LRRC20: variants seen among roughly 807,000 people sequenced by gnomAD.
LRRC20 encodes the protein leucine-rich repeat-containing protein 20.
LRRC20 carries 11 observed loss-of-function variants against 14.4 expected under a neutral mutation model. The observed-to-expected ratio is 0.77, with a 90% CI of 0.48 to 1.27. LRRC20 has a LOEUF of 1.27. Among genes scored for constraint, LRRC20 ranks in the 50% most tolerant of loss-of-function variants. The pLI is 0.00. For missense variants in LRRC20, 219 were observed against 251.2 expected, an observed-to-expected ratio of 0.87 and a Z score of 0.87; for synonymous variants, 121 against 107.3, an observed-to-expected ratio of 1.13 and a Z score of -0.79.
At chr10:70,310,534 A>G (rs1841613118) in intron 4 of LRRC20, among the ~76,000 whole-genome samples, 1 of 152,104 alleles carries the variant, frequency 6.6e-6, no homozygotes, top group Admixed American at 6.6e-5. Flanking sequence ...CATTTTCTTT[A>G]TACACACTCG....
intron 4 of LRRC20, among the ~76,000 whole-genome samples, chr10:70,306,588 A>G (rs935201402): frequency 2.0e-5 from 3 of 152,090 alleles, no homozygotes; most frequent in Admixed American, 2.0e-4. Flanking sequence ...AGGCACACCA[A>G]ATTCATTTCT....
intron 2 of LRRC20, among the ~76,000 whole-genome samples, chr10:70,347,978 T>C (rs981819896): frequency 9.2e-5 from 14 of 152,282 alleles, no homozygotes; most frequent in African/African-American, 3.4e-4. Flanking sequence ...TCTTTCACTC[T>C]CCACAAATAG....
At chr10:70,345,544 TAC>T (rs1411281940) in intron 2 of LRRC20, among the ~76,000 whole-genome samples, 1 of 152,012 alleles carries the variant, frequency 6.6e-6, no homozygotes, top group Non-Finnish European at 1.5e-5. Context: ...ATAGGATGCA[TAC>T]AGAGTCATCT....
chr10:70,340,633 T>C lies in LRRC20; in HGVS notation c.152A>G (p.Gln51Arg), dbSNP rs1404732729. 1 of 1,614,200 alleles carries C rather than the reference T, an allele frequency of 6.2e-7. No homozygotes were observed. The highest frequency in any genetic ancestry group is 1.1e-5 in the South Asian group (1 of 91,088). The change falls in exon 3 of 5, where the codon CAG (glutamine) becomes CGG (arginine). Residue 51 changes from glutamine to arginine, a missense_variant. Transcript: ENST00000446961. ...IYKVLRNVSG[Q>R]IHLITLANNE... ...GTTAGCCAGGGTGATGAGGTGGATC[T>C]GGCCAGAGACATTCCGCAGGACCTT...
intron 2 of LRRC20, among the ~76,000 whole-genome samples, chr10:70,341,597 A>C (rs1226796978): frequency 6.6e-6 from 1 of 152,060 alleles, no homozygotes; most frequent in East Asian, 1.9e-4. Context: ...GTGAAATCCT[A>C]TCTCTACTAA....
chr10:70,338,371 T>C (rs1258053955), intron 3 of LRRC20, among the ~76,000 whole-genome samples: 1 of 152,200 alleles, frequency 6.6e-6, no homozygotes, highest in African/African-American at 2.4e-5. Context: ...CCCTATGAGA[T>C]AGGCTTGCTC....
chr10:70,370,345 C>A (rs1844219333), intron 2 of LRRC20, among the ~76,000 whole-genome samples: 2 of 152,122 alleles, frequency 1.3e-5, no homozygotes, highest in African/African-American at 4.8e-5. Context: ...TGATAGTTCA[C>A]CAGACAGGAG....
chr10:70,371,500 A>C (rs7350395), intron 2 of LRRC20, among the ~76,000 whole-genome samples: 3 of 151,748 alleles, frequency 2.0e-5, no homozygotes, highest in African/African-American at 7.3e-5. Context: ...CCCCATGCAC[A>C]CTGCAGAGCC....
chr10:70,340,854 C>T lies in LRRC20; in HGVS notation c.83-152G>A. The T allele has an allele frequency of 4.0e-6, 3 of 745,528 alleles. No individual in the cohort carries two copies. In the South Asian group the frequency reaches 5.3e-5, roughly 13 times the overall value. 46.2% of individuals were successfully genotyped at this position (745,528 alleles called of 1,614,324 possible). A position where few individuals can be genotyped will look rare whatever the true frequency, so the allele number is the denominator to read the frequency against. ...AGGACCAGGCTTCAGACCCTGCCCT[C>T]CCTCTTCCAGGAGCCCTCCTCATAG... On this transcript the variant is annotated intron_variant, in intron 2 of 4. Coordinates refer to ENST00000446961, the MANE Select transcript of LRRC20 (RefSeq NM_001278212.2).
chr10:70,318,824 T>C (rs1307898026), intron 4 of LRRC20, among the ~76,000 whole-genome samples: 1 of 152,162 alleles, frequency 6.6e-6, no homozygotes, highest in African/African-American at 2.4e-5. Context: ...TTTTTGTTTT[T>C]TGAGACAGGG....
intron 3 of LRRC20, among the ~76,000 whole-genome samples, chr10:70,335,355 GC>G (rs1842691537): frequency 6.6e-6 from 1 of 152,126 alleles, no homozygotes; most frequent in African/African-American, 2.4e-5. Flanking sequence ...GAGGCCCCAG[GC>G]TGGCCGACTG....
At chr10:70,314,291 G>A (rs1473552943) in intron 4 of LRRC20, among the ~76,000 whole-genome samples, 3 of 152,148 alleles carry the variant, frequency 2.0e-5, no homozygotes, top group Non-Finnish European at 4.4e-5. Context: ...CTGACTCAGT[G>A]CAAGAAGACA....
At chr10:70,347,143 C>T (rs1218527357) in intron 2 of LRRC20, among the ~76,000 whole-genome samples, 1 of 152,144 alleles carries the variant, frequency 6.6e-6, no homozygotes, top group Non-Finnish European at 1.5e-5. Flanking sequence ...GCCTCATGTT[C>T]CCTAAGTGCT....
intron 3 of LRRC20, among the ~76,000 whole-genome samples, chr10:70,328,843 G>A (rs553536128): frequency 2.1e-4 from 32 of 152,246 alleles, no homozygotes; most frequent in East Asian, 1.9e-3. Flanking sequence ...ACCTGAACCC[G>A]GGAGGCGGAG....
chr10:70,350,708 G>A (rs1843267621), intron 2 of LRRC20, among the ~76,000 whole-genome samples: 1 of 152,234 alleles, frequency 6.6e-6, no homozygotes, highest in South Asian at 2.1e-4. Context: ...AGAGGCGAGG[G>A]TGTCAGGGAC....
At chr10:70,326,949 G>A (rs1016357636) in intron 3 of LRRC20, among the ~76,000 whole-genome samples, 3 of 152,144 alleles carry the variant, frequency 2.0e-5, no homozygotes, top group African/African-American at 2.4e-5. Context: ...GTGAGCCACC[G>A]CGCCCGGCAG....
At chr10:70,354,470 T>C (rs200444501) in intron 2 of LRRC20, among the ~76,000 whole-genome samples, 1 of 152,188 alleles carries the variant, frequency 6.6e-6, no homozygotes, top group East Asian at 1.9e-4. Context: ...AGCATTAGCA[T>C]CACCCCAGAA....
chr10:70,337,594 G>A (rs1052438104), intron 3 of LRRC20, among the ~76,000 whole-genome samples: 2 of 152,164 alleles, frequency 1.3e-5, no homozygotes, highest in Non-Finnish European at 2.9e-5. Flanking sequence ...TGCCCTCTGG[G>A]GAGGGCCTAC....
At chr10:70,347,590 C>T (rs557062402) in intron 2 of LRRC20, among the ~76,000 whole-genome samples, 9 of 151,958 alleles carry the variant, frequency 5.9e-5, no homozygotes, top group African/African-American at 1.7e-4. Flanking sequence ...GAGGCCGAGG[C>T]GGGCAAATCA....
Sources: gnomAD v4.1 joint callset for allele counts (sites outside exome capture counted in the v4.1 genomes callset) on GRCh38, gnomAD v4.1.1 for gene constraint, MANE v1.5 for transcripts, NCBI Gene and HGNC (gene_info 2026-07-23, HGNC 2026-07-21) for gene names.